Variants in PDZRN3 observed in about 807,000 individuals in gnomAD.
PDZRN3 encodes PDZ domain containing ring finger 3.
PDZRN3 carries 38 observed loss-of-function variants against 85.7 expected under a neutral mutation model. The observed-to-expected ratio is 0.44, with a 90% CI of 0.34 to 0.58. The LOEUF is 0.58. Among genes scored for constraint, PDZRN3 ranks in the 20% least tolerant of loss-of-function variants. PDZRN3 has a pLI of 0.01. For synonymous variants in PDZRN3, 759 were observed against 638.0 expected (o/e 1.19, Z -2.86); for missense variants, 1,629 against 1,506.4 (o/e 1.08, Z -1.35).
chr3:73,409,007 A>T (rs1009954093), intron 3 of PDZRN3, among the ~76,000 whole-genome samples: 2 of 152,216 alleles, frequency 1.3e-5, no homozygotes, highest in Non-Finnish European at 2.9e-5. Context: ...ATTGCCTTTA[A>T]AACAGTTTAT....
chr3:73,563,304 G>A (rs1265415953), intron 3 of PDZRN3, among the ~76,000 whole-genome samples: 1 of 151,298 alleles, frequency 6.6e-6, no homozygotes, highest in Non-Finnish European at 1.5e-5. Flanking sequence ...CAAAGTGCTG[G>A]GACTACAGGT....
intron 3 of PDZRN3, among the ~76,000 whole-genome samples, chr3:73,591,328 T>G (rs1702353344): frequency 6.6e-6 from 1 of 152,214 alleles, no homozygotes. Context: ...TTTGGAACAC[T>G]TATGTCAGCA....
At chr3:73,434,708 G>A (rs921199438) in intron 3 of PDZRN3, among the ~76,000 whole-genome samples, 7 of 152,150 alleles carry the variant, frequency 4.6e-5, no homozygotes, top group Non-Finnish European at 8.8e-5. Context: ...TGGTTACTAC[G>A]GATCTGTATC....
chr3:73,474,547 T>G (rs1703411699), intron 3 of PDZRN3: 1 of 1,287,556 alleles, frequency 7.8e-7, no homozygotes. Flanking sequence ...ATTTAAAAAT[T>G]GACTCAGTGA....
rs1245150959 is a variant in PDZRN3 at position 73,557,746 on chromosome 3, ATGT to A, written c.918+44605_918+44607del. On this transcript the variant is annotated intron_variant, in intron 3 of 9. Coordinates refer to ENST00000263666, the MANE Select transcript of PDZRN3 (RefSeq NM_015009.3). ...AAAATATTTAAAGATATTGGAGACT[ATGT>A]TGTTATGATTCAAAAGGTATGCAAT... 2.6e-4 allele frequency among the ~76,000 whole-genome samples: 39 copies of A among 152,312 alleles called. No individual in the cohort carries two copies. The East Asian group carries it at 6.0e-3, about 23-fold the overall frequency.
chr3:73,384,670 G>C lies in PDZRN3; in HGVS notation c.1896C>G (p.Asp632Glu), dbSNP rs541733764. ...NESFISADCT[D>E]ADYLGIPVDE... is the part of the protein sequence containing the mutation. ...CCACCGGGATCCCCAGGTAGTCGGCGTCCGTGCAGTCGGCCGAAATGAAAG... is the reference window on the plus strand; with the variant it reads ...CCACCGGGATCCCCAGGTAGTCGGCCTCCGTGCAGTCGGCCGAAATGAAAG... The change falls in exon 10 of 10, where the codon GAC becomes GAG. Residue 632 changes from aspartate to glutamate, a missense_variant. Physicochemically the swap from Asp to Glu is conservative, Grantham distance 45. Transcript: ENST00000263666. The C allele has an allele frequency of 4.7e-5, 76 of 1,614,004 alleles. No homozygotes were observed. In the East Asian group the frequency reaches 1.6e-3, roughly 35 times the overall value.
chr3:73,490,060 A>G (rs2106656956), intron 3 of PDZRN3, among the ~76,000 whole-genome samples: 1 of 152,318 alleles, frequency 6.6e-6, no homozygotes, highest in South Asian at 2.1e-4. Context: ...AAATCCTCTG[A>G]TGAACTGATT....
chr3:73,566,268 C>G (rs1211611895), intron 3 of PDZRN3, among the ~76,000 whole-genome samples: 1 of 152,156 alleles, frequency 6.6e-6, no homozygotes, highest in African/African-American at 2.4e-5. Context: ...CAGAAAACCT[C>G]AGCGATAAAC....
At chr3:73,439,226 C>CAGAT (rs535015555) in intron 3 of PDZRN3, among the ~76,000 whole-genome samples, 170 of 152,326 alleles carry the variant, frequency 1.1e-3, no homozygotes, top group African/African-American at 4.0e-3. Flanking sequence ...AATTCAGCAT[C>CAGAT]AGATACATAC....
chr3:73,555,224 G>GTTT (rs1291420363), intron 3 of PDZRN3, among the ~76,000 whole-genome samples: 1 of 151,948 alleles, frequency 6.6e-6, no homozygotes, highest in Non-Finnish European at 1.5e-5. Context: ...CCACAACTTT[G>GTTT]TTTCCCTAGA....
intron 7 of PDZRN3, among the ~76,000 whole-genome samples, chr3:73,388,674 C>A (rs1701450639): frequency 6.6e-6 from 1 of 152,016 alleles, no homozygotes; most frequent in Non-Finnish European, 1.5e-5. Context: ...GGAACGCCGC[C>A]TCCAGGGGAC....
Position 73,624,934 on chromosome 3 carries a change from C to G in PDZRN3, c.-109G>C, listed in dbSNP as rs1575770389. 2.4e-6 allele frequency: 2 copies of G among 832,368 alleles called. No individual in the cohort carries two copies. The highest frequency in any genetic ancestry group is 3.2e-6 in the Non-Finnish European group (2 of 623,114). 51.6% of individuals were successfully genotyped at this position (832,368 alleles called of 1,614,324 possible). On this transcript the variant is annotated 5_prime_UTR_variant, in exon 1 of 10. Transcript: ENST00000263666. ...GCCGCCCGCGCGCTCGCTGGCTCTC[C>G]CCGGACTGAGCCTAATTGATCCAGA...
intron 3 of PDZRN3, among the ~76,000 whole-genome samples, chr3:73,496,588 A>G (rs1703871481): frequency 1.3e-5 from 2 of 151,644 alleles, no homozygotes; most frequent in South Asian, 4.2e-4. Context: ...AAACAAAATT[A>G]TAACTACAAT....
chr3:73,527,546 A>G (rs1704552906), intron 3 of PDZRN3, among the ~76,000 whole-genome samples: 1 of 151,914 alleles, frequency 6.6e-6, no homozygotes, highest in Non-Finnish European at 1.5e-5. Flanking sequence ...CTAGAATCTG[A>G]CTGTCAGCCT....
Position 73,384,201 on chromosome 3 carries a change from G to T in PDZRN3, c.2365C>A (p.Pro789Thr). The change falls in exon 10 of 10, where the codon CCG (proline) becomes ACG (threonine). Residue 789 changes from proline (P) to threonine (T), a missense_variant. By Grantham distance (38) the Pro-to-Thr change is conservative (BLOSUM62 -1). Transcript: ENST00000263666. Reference protein sequence around the residue: ...LRRAAEGISCPSSEGAVGTTE... With the variant: ...LRRAAEGISCTSSEGAVGTTE... Reference sequence around the variant, plus strand: ...GTCCCCACAGCCCCTTCGCTGCTCGGGCAGCTGATGCCCTCCGCCGCTCTC... The same window carrying T: ...GTCCCCACAGCCCCTTCGCTGCTCGTGCAGCTGATGCCCTCCGCCGCTCTC... 1 of 1,613,958 alleles carries T rather than the reference G, an allele frequency of 6.2e-7. No homozygotes were observed. Among genetic ancestry groups the T allele is most frequent in the South Asian group, 1.1e-5 (1 of 91,082 alleles).
chr3:73,502,274 C>G (rs1171631830), intron 3 of PDZRN3, among the ~76,000 whole-genome samples: 2 of 152,078 alleles, frequency 1.3e-5, no homozygotes, highest in Non-Finnish European at 2.9e-5. Context: ...AGGTATAAAA[C>G]CTTTTGTTTG....
Position 73,391,089 on chromosome 3 carries a change from G to A in PDZRN3, c.1282C>T (p.Gln428Ter). ...EEVDLYRMNSQDKLGLTVCYR... is the reference protein window; with the variant it reads ...EEVDLYRMNS ...CACACAGTGAGGCCCAGCTTGTCCT[G>A]GCTGTTCATTCTGTAGAGGTCCACT... Residue 428 changes from glutamine to a stop codon, truncating the protein, a stop_gained, in exon 6 of 10, where the codon CAG becomes TAG. Coordinates refer to ENST00000263666, the MANE Select transcript of PDZRN3 (RefSeq NM_015009.3). LOFTEE classifies it high-confidence loss of function. 1.2e-6 allele frequency: 2 copies of A among 1,613,518 alleles called. No homozygotes were observed. Among genetic ancestry groups the A allele is most frequent in the Non-Finnish European group, 1.7e-6 (2 of 1,179,498 alleles).
chr3:73,489,375 T>C (rs2106654566), intron 3 of PDZRN3, among the ~76,000 whole-genome samples: 1 of 152,230 alleles, frequency 6.6e-6, no homozygotes, highest in East Asian at 1.9e-4. Flanking sequence ...ATGTGGCTGA[T>C]CCTGTTTAGC....
intron 3 of PDZRN3, chr3:73,433,903 G>A (rs1702481948): frequency 3.5e-6 from 5 of 1,426,342 alleles, no homozygotes; most frequent in Admixed American, 2.8e-5. Flanking sequence ...TCCTCCCCTC[G>A]CAGCATGCAT....
Sources: allele counts gnomAD v4.1 joint callset (sites outside exome capture counted in the v4.1 genomes callset), GRCh38; gene constraint gnomAD v4.1.1; transcripts MANE v1.5; gene names NCBI Gene and HGNC (gene_info 2026-07-23, HGNC 2026-07-21).